The following MAF variants were observed in gnomAD, a reference collection of about 807,000 sequenced individuals.
MAF encodes the protein transcription factor Maf.
A neutral mutation model predicts 22.0 loss-of-function variants in MAF; 10 were observed. The observed-to-expected ratio is 0.45, with a 90% CI of 0.28 to 0.77. The LOEUF (loss-of-function observed/expected upper bound fraction) is 0.77, where lower values mean the gene tolerates loss of function less well. MAF is among the 30% of genes least tolerant of loss of function. The pLI is 0.12. For synonymous variants in MAF, 337 were observed against 255.8 expected (o/e 1.32, Z -3.03); for missense variants, 544 against 548.4 (o/e 0.99, Z 0.08).
At chr16:79,222,774 A>C in the MAF span, among the ~76,000 whole-genome samples, 2 of 152,194 alleles carry the variant, frequency 1.3e-5, no homozygotes, top group East Asian at 3.9e-4. Context: ...AGAGACAAAG[A>C]AGGGCATTAC....
chr16:79,242,077 A>T, the MAF span, among the ~76,000 whole-genome samples: 1 of 152,098 alleles, frequency 6.6e-6, no homozygotes, highest in Admixed American at 6.6e-5. Flanking sequence ...GGTACCAGTC[A>T]ATGCAAAAAC....
At chr16:79,220,257 A>AAAAG in the MAF span, among the ~76,000 whole-genome samples, 1 of 150,318 alleles carries the variant, frequency 6.7e-6, no homozygotes, top group African/African-American at 2.4e-5. Context: ...CTCCATCTCA[A>AAAAG]AAAAAAAAAA....
At chr16:79,302,966 A>C in the MAF span, among the ~76,000 whole-genome samples, 1 of 152,216 alleles carries the variant, frequency 6.6e-6, no homozygotes, top group African/African-American at 2.4e-5. Context: ...ACAAAAGCCT[A>C]ATGACCCATT....
At chr16:79,513,987 C>A in the MAF span, among the ~76,000 whole-genome samples, 12,448 of 152,256 alleles carry the variant, frequency 0.082, 733 homozygotes, top group Admixed American at 0.19. Flanking sequence ...ACCTTCCCCC[C>A]ACCCTTCCCC....
chr16:79,265,559 C>T, the MAF span, among the ~76,000 whole-genome samples: 2 of 152,192 alleles, frequency 1.3e-5, no homozygotes, highest in Non-Finnish European at 2.9e-5. Flanking sequence ...TTTCCCTTGA[C>T]ATACGTACCT....
At chr16:79,319,746 G>C in the MAF span, among the ~76,000 whole-genome samples, 1 of 152,248 alleles carries the variant, frequency 6.6e-6, no homozygotes, top group Non-Finnish European at 1.5e-5. Flanking sequence ...TGGGCATAGA[G>C]TGAAAAGTGG....
the MAF span, among the ~76,000 whole-genome samples, chr16:79,235,516 C>A: frequency 6.6e-6 from 1 of 152,062 alleles, no homozygotes; most frequent in South Asian, 2.1e-4. Flanking sequence ...AACCGCACTA[C>A]TGCATTCCAC....
chr16:79,542,974 T>G, the MAF span, among the ~76,000 whole-genome samples: 1 of 152,242 alleles, frequency 6.6e-6, no homozygotes, highest in Non-Finnish European at 1.5e-5. Context: ...CATATGTGTG[T>G]GCATGCACAC....
the MAF span, among the ~76,000 whole-genome samples, chr16:79,565,950 C>A: frequency 3.9e-5 from 6 of 152,268 alleles, no homozygotes; most frequent in South Asian, 1.2e-3. Flanking sequence ...ACTGACAGGA[C>A]AAGGATTGGA....
At chr16:79,356,025 A>G in the MAF span, among the ~76,000 whole-genome samples, 1 of 152,110 alleles carries the variant, frequency 6.6e-6, no homozygotes, top group East Asian at 1.9e-4. Context: ...CTTCCTACAC[A>G]TACACATTCA....
At chr16:79,328,917 A>C in the MAF span, among the ~76,000 whole-genome samples, 1 of 152,152 alleles carries the variant, frequency 6.6e-6, no homozygotes, top group African/African-American at 2.4e-5. Context: ...TGCTAAGGGC[A>C]TAACTGGGTG....
the MAF span, chr16:79,206,229 C>T: frequency 1.3e-5 from 2 of 152,238 alleles, no homozygotes; most frequent in Non-Finnish European, 2.9e-5. Flanking sequence ...CAGACATGGC[C>T]TGGCTGAGAA....
At chr16:79,255,810 C>T in the MAF span, among the ~76,000 whole-genome samples, 1 of 152,062 alleles carries the variant, frequency 6.6e-6, no homozygotes, top group Non-Finnish European at 1.5e-5. Context: ...GGTTCCTCAT[C>T]TGTGAGTGGG....
the MAF span, among the ~76,000 whole-genome samples, chr16:79,484,697 G>C: frequency 1.3e-5 from 2 of 152,206 alleles, no homozygotes; most frequent in Non-Finnish European, 2.9e-5. Context: ...AAAGGGCCAG[G>C]GTGGGAGCTG....
chr16:79,291,354 T>A, the MAF span, among the ~76,000 whole-genome samples: 5 of 152,208 alleles, frequency 3.3e-5, no homozygotes, highest in East Asian at 3.9e-4. Context: ...CTCCTTCAGG[T>A]GTCATGTCAC....
At chr16:79,520,817 C>T in the MAF span, among the ~76,000 whole-genome samples, 3 of 152,130 alleles carry the variant, frequency 2.0e-5, no homozygotes, top group Non-Finnish European at 4.4e-5. Flanking sequence ...GTTGTTATTG[C>T]TCCTGATGAA....
the MAF span, among the ~76,000 whole-genome samples, chr16:79,250,124 T>C: frequency 1.3e-5 from 2 of 152,242 alleles, no homozygotes; most frequent in Non-Finnish European, 2.9e-5. Context: ...CTCACCTCTT[T>C]AGCCAGATTT....
the MAF span, among the ~76,000 whole-genome samples, chr16:79,366,321 T>G: frequency 2.0e-5 from 3 of 152,196 alleles, no homozygotes; most frequent in Admixed American, 1.3e-4. Flanking sequence ...AGGATAGCAG[T>G]CAAGAGTATA....
the MAF span, among the ~76,000 whole-genome samples, chr16:79,372,597 T>A: frequency 6.6e-6 from 1 of 152,174 alleles, no homozygotes; most frequent in Non-Finnish European, 1.5e-5. Flanking sequence ...TACTGGGGCA[T>A]CTTATAACCC....
Sources: allele counts gnomAD v4.1 joint callset (sites outside exome capture counted in the v4.1 genomes callset), GRCh38; gene constraint gnomAD v4.1.1; transcripts MANE v1.5; gene names NCBI Gene and HGNC (gene_info 2026-07-23, HGNC 2026-07-21).